CA5A: variants seen among roughly 807,000 people sequenced by gnomAD.
CA5A encodes the protein carbonic anhydrase 5A.
Under a neutral mutation model 37.1 loss-of-function variants are expected in CA5A, and 28 were observed. That is an observed-to-expected ratio of 0.75 (90% CI 0.56 to 1.03). The LOEUF is 1.03. Among genes scored for constraint, CA5A ranks in the 50% least tolerant of loss-of-function variants. The pLI, the probability that CA5A is intolerant of heterozygous loss-of-function variation, is 0.00. For missense variants in CA5A, 444 were observed against 399.9 expected, an observed-to-expected ratio of 1.11 and a Z score of -0.94; for synonymous variants, 171 against 158.4, an observed-to-expected ratio of 1.08 and a Z score of -0.60.
chr16:87,887,519 A>C (rs1403410655), downstream of CA5A: 1 of 152,592 alleles, frequency 6.6e-6, no homozygotes, highest in Non-Finnish European at 1.5e-5. Flanking sequence ...GGTTCAAGCA[A>C]TTCTTCTGCC....
chr16:87,932,766 A>C (rs531928714), intron 1 of CA5A, among the ~76,000 whole-genome samples: 134 of 152,228 alleles, frequency 8.8e-4, no homozygotes, highest in Middle Eastern at 3.4e-3. Context: ...AGGAGACCCC[A>C]TCTCCCCGAT....
chr16:87,911,202 C>G lies in CA5A; in HGVS notation c.341-6298G>C, dbSNP rs368005480. Among the ~76,000 whole-genome samples the G allele has an allele frequency of 6.6e-6, 1 of 152,034 alleles. No individual in the cohort carries two copies. Among genetic ancestry groups the G allele is most frequent in the Non-Finnish European group, 1.5e-5 (1 of 68,020 alleles). On this transcript the variant is annotated intron_variant, in intron 2 of 6. Coordinates refer to ENST00000649794, the MANE Select transcript of CA5A (RefSeq NM_001739.2). The surrounding 1 kb of genome is among the most constrained non-coding windows in gnomAD (Gnocchi z 4.6). The stretch of plus-strand genomic sequence containing the variant: ...TCTGCTATCAGCAGGGCTGGTCCAC[C>G]GGGCAGCACTGGCCACTGTTGCCTC...
intron 2 of CA5A, among the ~76,000 whole-genome samples, chr16:87,909,885 G>T (rs940708642): frequency 6.6e-6 from 1 of 152,172 alleles, no homozygotes; most frequent in South Asian, 2.1e-4. Context: ...TCTGGAGTCG[G>T]ACGCACGTTC....
At chr16:87,929,872 A>AAAG (rs1491280820) in intron 1 of CA5A, among the ~76,000 whole-genome samples, 20 of 23,170 alleles carry the variant, frequency 8.6e-4, no homozygotes, top group Non-Finnish European at 9.5e-4. Context: ...ACTCCGTCTC[A>AAAG]AAAAAAAAAA....
At chr16:87,886,126 A>G (rs2055645598), downstream of CA5A, 1 of 148,956 alleles carries the variant, frequency 6.7e-6, no homozygotes, top group Non-Finnish European at 1.5e-5. Context: ...CAGACCCAAC[A>G]TTGAGTTCTG....
intron 2 of CA5A, among the ~76,000 whole-genome samples, chr16:87,914,449 C>T (rs1452248469): frequency 6.6e-6 from 1 of 152,240 alleles, no homozygotes; most frequent in Non-Finnish European, 1.5e-5. Context: ...TGCGGACCCC[C>T]AGCCCCACGA....
chr16:87,935,489 A>G (rs1325012664), intron 1 of CA5A, among the ~76,000 whole-genome samples: 1 of 152,186 alleles, frequency 6.6e-6, no homozygotes. Context: ...TCCCGTGCGA[A>G]CACGGACTAC....
chr16:87,893,336 T>C (rs2055752520), intron 5 of CA5A: 4 of 374,048 alleles, frequency 1.1e-5, no homozygotes, highest in Non-Finnish European at 1.0e-5. Flanking sequence ...ACCATATTAG[T>C]CAGGATGGTC....
intron 5 of CA5A, 29 bp downstream of exon 5, chr16:87,901,883 G>A (rs374788491): frequency 2.4e-5 from 39 of 1,594,536 alleles, no homozygotes; most frequent in Middle Eastern, 1.7e-4. Context: ...CTCCGCGCCC[G>A]GCCTGCTGAT....
chr16:87,886,946 T>G (rs1396708585), downstream of CA5A: 1 of 152,162 alleles, frequency 6.6e-6, no homozygotes, highest in East Asian at 1.9e-4. Flanking sequence ...TCTGTCACCC[T>G]GGCTGGAGTG....
intron 2 of CA5A, among the ~76,000 whole-genome samples, chr16:87,915,919 A>C (rs2056134130): frequency 6.6e-6 from 1 of 152,030 alleles, no homozygotes; most frequent in Non-Finnish European, 1.5e-5. Flanking sequence ...GAGACTGGGT[A>C]ATTTACAAAG....
downstream of CA5A, chr16:87,885,071 G>T (rs377176521): frequency 6.5e-6 from 1 of 153,216 alleles, no homozygotes; most frequent in Admixed American, 6.5e-5. Flanking sequence ...GCTGAGGCAG[G>T]AGAATCACCT....
intron 2 of CA5A, among the ~76,000 whole-genome samples, chr16:87,919,827 G>A (rs963366020): frequency 1.3e-5 from 2 of 152,196 alleles, no homozygotes; most frequent in African/African-American, 4.8e-5. Flanking sequence ...GATGGCTCAT[G>A]CTGGCTCTGG....
At position 87,911,569 on chromosome 16, in the gene CA5A, C is replaced by T. The variant is rs8056775; in HGVS notation, c.341-6665G>A. On this transcript the variant is annotated intron_variant, in intron 2 of 6. Coordinates refer to ENST00000649794, the MANE Select transcript of CA5A (RefSeq NM_001739.2). This position sits in a 1 kb window ranked among gnomAD's most constrained non-coding sequence, Gnocchi z 4.6. ...CAAAGGACCGGCCTGCTTCCGGTGC[C>T]ACTCTGGGAGGTAGTGCACGTTCCC... Among the ~76,000 whole-genome samples the T allele has an allele frequency of 0.011, 1,730 of 152,158 alleles. 37 individuals carry two copies. The highest frequency in any genetic ancestry group is 0.04 in the African/African-American group (1,653 of 41,530).
chr16:87,925,157 C>T (rs1469104837), intron 2 of CA5A, among the ~76,000 whole-genome samples: 1 of 152,210 alleles, frequency 6.6e-6, no homozygotes, highest in African/African-American at 2.4e-5. Context: ...GGGATGCCTG[C>T]CGGAGAGGAT....
chr16:87,899,517 G>C (rs1414936219), intron 5 of CA5A, among the ~76,000 whole-genome samples: 2 of 150,680 alleles, frequency 1.3e-5, no homozygotes, highest in African/African-American at 2.4e-5. Context: ...TGGCCAGGCT[G>C]GTTTTGAACA....
intron 1 of CA5A, among the ~76,000 whole-genome samples, chr16:87,928,506 G>A (rs940558735): frequency 1.3e-4 from 20 of 152,048 alleles, no homozygotes; most frequent in Non-Finnish European, 2.6e-4. Flanking sequence ...AATGAACAAG[G>A]ATTTTACTGT....
At chr16:87,889,497 G>T in intron 6 of CA5A, among the ~76,000 whole-genome samples, 1 of 152,110 alleles carries the variant, frequency 6.6e-6, no homozygotes, top group East Asian at 1.9e-4. Flanking sequence ...TTTATGGCTG[G>T]ATGTGGTGCC....
chr16:87,896,524 A>G (rs1295803377), intron 5 of CA5A, among the ~76,000 whole-genome samples: 2 of 152,232 alleles, frequency 1.3e-5, no homozygotes, highest in East Asian at 1.9e-4. Context: ...GAGCACACCA[A>G]TGAGGCTGAA....
Sources: allele counts gnomAD v4.1 joint callset (sites outside exome capture counted in the v4.1 genomes callset), GRCh38; gene constraint gnomAD v4.1.1; non-coding constraint Gnocchi (gnomAD v3.1); transcripts MANE v1.5; gene names NCBI Gene and HGNC (gene_info 2026-07-23, HGNC 2026-07-21).